The following RIN2 variants were observed in gnomAD, a reference collection of about 807,000 sequenced individuals.
RIN2 encodes Ras and Rab interactor 2.
In RIN2, 36 loss-of-function variants were observed where a neutral mutation model predicts 78.0. The observed-to-expected ratio is 0.46, with a 90% CI of 0.35 to 0.61. RIN2 has a LOEUF of 0.61. RIN2 is among the 20% of genes least tolerant of loss of function. RIN2 has a pLI of 0.00. For synonymous variants in RIN2, 466 were observed against 466.8 expected, an observed-to-expected ratio of 1.00 and a Z score of 0.02; for missense variants, 1,087 against 1,159.7, an observed-to-expected ratio of 0.94 and a Z score of 0.91.
chr20:19,797,821 C>T (rs1467147042), intron 1 of RIN2, among the ~76,000 whole-genome samples: 1 of 151,044 alleles, frequency 6.6e-6, no homozygotes, highest in East Asian at 1.9e-4. Context: ...AAATAATCTG[C>T]AATGGACCAA....
At chr20:19,832,059 A>G (rs1913788018) in intron 2 of RIN2, among the ~76,000 whole-genome samples, 1 of 152,034 alleles carries the variant, frequency 6.6e-6, no homozygotes, top group South Asian at 2.1e-4. Flanking sequence ...AATGCATTTC[A>G]TCCGTACACT....
chr20:19,822,659 C>A (rs2035961262), intron 2 of RIN2, among the ~76,000 whole-genome samples: 1 of 150,626 alleles, frequency 6.6e-6, no homozygotes, highest in South Asian at 2.1e-4. Flanking sequence ...AATACACACA[C>A]ACACACACCC....
chr20:19,839,130 C>T (rs762197378), intron 2 of RIN2, among the ~76,000 whole-genome samples: 4 of 152,206 alleles, frequency 2.6e-5, no homozygotes, highest in Admixed American at 2.0e-4. Context: ...GCATCTGTTA[C>T]GATCCCCCTG....
At chr20:19,972,730 T>G (rs1436946986) in intron 8 of RIN2, among the ~76,000 whole-genome samples, 4 of 152,164 alleles carry the variant, frequency 2.6e-5, no homozygotes, top group Non-Finnish European at 4.4e-5. Context: ...GTGAACTAAA[T>G]ATACAAAGCC....
intron 1 of RIN2, among the ~76,000 whole-genome samples, chr20:19,769,805 T>A (rs1206247189): frequency 6.6e-6 from 1 of 152,238 alleles, no homozygotes; most frequent in Non-Finnish European, 1.5e-5. Flanking sequence ...AGGAGGTGGA[T>A]CATGATAAGC....
rs751273337 is a variant in RIN2 at position 19,990,131 on chromosome 20, C to T, written c.1888C>T (p.Leu630Phe). 6.2e-7 allele frequency: 1 copy of T among 1,602,306 alleles called. No individual in the cohort carries two copies. The highest frequency in any genetic ancestry group is 2.3e-5 in the East Asian group (1 of 44,404). The change falls in exon 10 of 13, where the codon CTT (leucine) becomes TTT (phenylalanine). Residue 630 changes from leucine to phenylalanine, a missense_variant. By Grantham distance (22) the Leu-to-Phe change is conservative (BLOSUM62 0). Coordinates refer to ENST00000255006, the MANE Select transcript of RIN2 (RefSeq NM_018993.4). ...GAAGCAACTCAAGGAGAACCTGCAG[C>T]TTGTGCGGCAGAGGAATCCGCAGGA... ...SWKQLKENLQ[L>F]VRQRNPQELG...
chr20:19,935,667 T>C (rs988778580), intron 4 of RIN2: 6 of 959,662 alleles, frequency 6.3e-6, no homozygotes, highest in African/African-American at 1.8e-5. Flanking sequence ...CGTGCAGTGA[T>C]TGGAAACTGG....
chr20:19,770,836 C>T (rs543104659), intron 1 of RIN2, among the ~76,000 whole-genome samples: 1 of 151,740 alleles, frequency 6.6e-6, no homozygotes, highest in Non-Finnish European at 1.5e-5. Flanking sequence ...AGCTCAATTC[C>T]CACAGGGTGA....
rs116575960 is a variant in RIN2 at position 19,943,511 on chromosome 20, G to A, written c.158+8312G>A. Among the ~76,000 whole-genome samples the A allele has an allele frequency of 4.8e-3, 734 of 152,186 alleles. 3 individuals carry two copies. Among genetic ancestry groups the A allele is most frequent in the African/African-American group, 0.017 (696 of 41,506 alleles). On this transcript the variant is annotated intron_variant, in intron 4 of 12. Coordinates refer to ENST00000255006, the MANE Select transcript of RIN2 (RefSeq NM_018993.4). Reference sequence around the variant, plus strand: ...CACCCTCAAAAAGCAGCAGCCCTTCGCCATGGAGGAATAAAATCTGTAACC... The same window carrying A: ...CACCCTCAAAAAGCAGCAGCCCTTCACCATGGAGGAATAAAATCTGTAACC...
At chr20:19,826,790 T>C (rs2036101555) in intron 2 of RIN2, among the ~76,000 whole-genome samples, 1 of 152,192 alleles carries the variant, frequency 6.6e-6, no homozygotes, top group Admixed American at 6.5e-5. Flanking sequence ...CTGTGGCTCC[T>C]GTGTGCAGGC....
At chr20:19,808,052 G>A (rs958962679) in intron 2 of RIN2, among the ~76,000 whole-genome samples, 2 of 152,240 alleles carry the variant, frequency 1.3e-5, no homozygotes, top group Non-Finnish European at 2.9e-5. Context: ...ATGATTAAAT[G>A]TCTTTCCAAA....
chr20:19,883,649 G>T (rs1183697747), intron 2 of RIN2, among the ~76,000 whole-genome samples: 1 of 152,090 alleles, frequency 6.6e-6, no homozygotes, highest in Non-Finnish European at 1.5e-5. Flanking sequence ...AGTCAGAAAA[G>T]GAGGACTTTC....
intron 3 of RIN2, among the ~76,000 whole-genome samples, chr20:19,923,425 T>TAAATAAAATAAAATAAAATA (rs561665019): frequency 0.016 from 1,949 of 125,256 alleles, 56 homozygotes; most frequent in African/African-American, 0.04. Flanking sequence ...CAAAATAAAA[T>TAAATAAAATAAAATAAAATA]AAATAAAATA....
chr20:19,940,495 G>A (rs1450757924), intron 4 of RIN2, among the ~76,000 whole-genome samples: 2 of 152,196 alleles, frequency 1.3e-5, no homozygotes, highest in Non-Finnish European at 2.9e-5. Context: ...TCTACCATGA[G>A]CTATTTTAAT....
intron 2 of RIN2, among the ~76,000 whole-genome samples, chr20:19,881,477 A>G (rs894228624): frequency 6.6e-6 from 1 of 152,244 alleles, no homozygotes; most frequent in African/African-American, 2.4e-5. Context: ...GGCAAGATGT[A>G]TCCTAGAGGC....
intron 3 of RIN2, among the ~76,000 whole-genome samples, chr20:19,913,018 C>T (rs1332537471): frequency 6.6e-6 from 1 of 152,194 alleles, no homozygotes; most frequent in Non-Finnish European, 1.5e-5. Flanking sequence ...AGTTAGGGCC[C>T]TCCTGGGCTT....
chr20:19,820,162 G>A (rs1468917519), intron 2 of RIN2, among the ~76,000 whole-genome samples: 1 of 152,174 alleles, frequency 6.6e-6, no homozygotes. Flanking sequence ...GGTTTTTACT[G>A]CTAATCCTGT....
At chr20:19,765,831 G>A (rs1338365035) in intron 1 of RIN2, among the ~76,000 whole-genome samples, 16 of 152,104 alleles carry the variant, frequency 1.1e-4, no homozygotes, top group Non-Finnish European at 1.8e-4. Context: ...CTCTCTGCTA[G>A]ACTAATGTTG....
At chr20:19,947,341 TA>T (rs1193964073) in intron 4 of RIN2, among the ~76,000 whole-genome samples, 1 of 152,156 alleles carries the variant, frequency 6.6e-6, no homozygotes, top group Non-Finnish European at 1.5e-5. Flanking sequence ...ACCCCATCTC[TA>T]AAAAAGTATT....
Sources: allele counts gnomAD v4.1 joint callset (sites outside exome capture counted in the v4.1 genomes callset), GRCh38; gene constraint gnomAD v4.1.1; transcripts MANE v1.5; gene names NCBI Gene and HGNC (gene_info 2026-07-23, HGNC 2026-07-21).